Variants in NAV2 observed in about 807,000 individuals in gnomAD.
NAV2 encodes the protein neuron navigator 2.
In NAV2, 54 loss-of-function variants were observed where a neutral mutation model predicts 223.2. The ratio of observed to expected loss-of-function variants is 0.24; its 90% CI spans 0.19 to 0.30. The LOEUF (loss-of-function observed/expected upper bound fraction) is 0.30, where lower values mean the gene tolerates loss of function less well. Ranked by LOEUF, NAV2 falls within the 10% of genes least tolerant of loss-of-function variation. The pLI is 1.00. For missense variants in NAV2, 2,806 were observed against 3,147.5 expected (o/e 0.89, Z 2.60); for synonymous variants, 1,279 against 1,239.3 (o/e 1.03, Z -0.67).
At chr11:19,468,746 C>T (rs943052387) in intron 1 of NAV2, among the ~76,000 whole-genome samples, 3 of 152,140 alleles carry the variant, frequency 2.0e-5, no homozygotes, top group African/African-American at 7.2e-5. Flanking sequence ...TGTAGTAAAT[C>T]TCAAAATTTG....
chr11:19,638,173 G>T (rs1228280146), intron 1 of NAV2, among the ~76,000 whole-genome samples: 1 of 152,020 alleles, frequency 6.6e-6, no homozygotes, highest in African/African-American at 2.4e-5. Flanking sequence ...TACTTCCTGG[G>T]CCCACACGAT....
At chr11:19,667,245 T>C (rs1017641211) in intron 1 of NAV2, among the ~76,000 whole-genome samples, 1 of 152,246 alleles carries the variant, frequency 6.6e-6, no homozygotes, top group African/African-American at 2.4e-5. Flanking sequence ...TGAACAATTA[T>C]TCACTGGTGC....
intron 1 of NAV2, among the ~76,000 whole-genome samples, chr11:19,806,872 A>G (rs976704074): frequency 8.5e-5 from 13 of 152,216 alleles, no homozygotes; most frequent in Non-Finnish European, 1.8e-4. Flanking sequence ...AATTATCTAT[A>G]TATCTCTATG....
intron 1 of NAV2, among the ~76,000 whole-genome samples, chr11:19,689,327 C>T (rs533929223): frequency 1.3e-5 from 2 of 152,272 alleles, no homozygotes; most frequent in South Asian, 2.1e-4. Flanking sequence ...CCAAGGGATA[C>T]GTGCAAAGAC....
At chr11:19,939,817 C>T (rs756317220) in intron 8 of NAV2, 44 bp downstream of exon 8, 2 of 1,429,372 alleles carry the variant, frequency 1.4e-6, no homozygotes, top group Non-Finnish European at 2.0e-6. Flanking sequence ...GGTGATGAGG[C>T]CTTCCACGCA....
chr11:19,536,802 AATG>A (rs548247764), intron 1 of NAV2, among the ~76,000 whole-genome samples: 23 of 152,288 alleles, frequency 1.5e-4, no homozygotes, highest in Admixed American at 1.0e-3. Flanking sequence ...ACCTTCAGGA[AATG>A]ATAATGGGGG....
intron 1 of NAV2, among the ~76,000 whole-genome samples, chr11:19,509,350 G>C (rs913603942): frequency 1.3e-5 from 2 of 152,178 alleles, no homozygotes; most frequent in African/African-American, 4.8e-5. Context: ...TACGTCATTA[G>C]CATGAGTGCT....
intron 4 of NAV2, among the ~76,000 whole-genome samples, chr11:19,879,585 C>A (rs918208037): frequency 9.2e-5 from 14 of 152,194 alleles, no homozygotes; most frequent in African/African-American, 2.4e-5. Flanking sequence ...CACGGTCTTG[C>A]TCGAGACGCT....
At chr11:19,364,684 C>G (rs561072470) in intron 1 of NAV2, among the ~76,000 whole-genome samples, 1 of 152,202 alleles carries the variant, frequency 6.6e-6, no homozygotes, top group Non-Finnish European at 1.5e-5. Flanking sequence ...AAGAGGGATA[C>G]AGTGACCTGG....
At position 19,912,152 on chromosome 11, in the gene NAV2, A is replaced by G. The variant is rs982828475; in HGVS notation, c.931+19558A>G. On this transcript the variant is annotated intron_variant, in intron 6 of 37. Transcript: ENST00000349880. ...TAGTTCTTCAACTTTATCTCATTAA[A>G]TAAAGTTTAGTGAACTGCCAAAGAC... 9.8e-5 allele frequency among the ~76,000 whole-genome samples: 15 copies of G among 152,354 alleles called. No individual in the cohort carries two copies. In the East Asian group the frequency reaches 2.9e-3, roughly 29 times the overall value.
At chr11:19,706,615 C>T (rs1314858767) in intron 1 of NAV2, among the ~76,000 whole-genome samples, 2 of 152,226 alleles carry the variant, frequency 1.3e-5, no homozygotes, top group Admixed American at 1.3e-4. Context: ...GAAACAGCAG[C>T]TACATCCTTC....
At chr11:19,442,806 TTC>T (rs1444656286) in intron 1 of NAV2, among the ~76,000 whole-genome samples, 1 of 152,202 alleles carries the variant, frequency 6.6e-6, no homozygotes, top group African/African-American at 2.4e-5. Context: ...AAAAGTATCA[TTC>T]TCTCTCTTCC....
At chr11:19,734,604 T>A (rs1016184538) in intron 1 of NAV2, among the ~76,000 whole-genome samples, 2 of 152,206 alleles carry the variant, frequency 1.3e-5, no homozygotes, top group African/African-American at 4.8e-5. Flanking sequence ...AGGTCATACA[T>A]TGGCATTTTA....
intron 1 of NAV2, among the ~76,000 whole-genome samples, chr11:19,633,609 C>T (rs1173566048): frequency 1.3e-5 from 2 of 152,236 alleles, no homozygotes; most frequent in Non-Finnish European, 2.9e-5. Context: ...GGAGCTCGGG[C>T]CCAGGGAAAA....
chr11:20,005,345 A>G (rs2052963915), intron 11 of NAV2, among the ~76,000 whole-genome samples: 1 of 150,986 alleles, frequency 6.6e-6, no homozygotes, highest in Admixed American at 6.6e-5. Context: ...TCCCGGGTTC[A>G]AGCAATTCTC....
intron 1 of NAV2, among the ~76,000 whole-genome samples, chr11:19,623,348 C>T (rs2047065662): frequency 2.0e-5 from 3 of 152,136 alleles, no homozygotes; most frequent in African/African-American, 4.8e-5. Flanking sequence ...TGGATAATAT[C>T]CTGCAGAGTG....
At chr11:19,973,989 C>G (rs1202453190) in intron 10 of NAV2, among the ~76,000 whole-genome samples, 1 of 152,194 alleles carries the variant, frequency 6.6e-6, no homozygotes, top group Non-Finnish European at 1.5e-5. Context: ...GTAGTAACAA[C>G]TTTTATCAAG....
chr11:19,349,531 G>A (rs2702622), upstream of NAV2, among the ~76,000 whole-genome samples: 46,286 of 152,036 alleles, frequency 0.3, 7,318 homozygotes, highest in East Asian at 0.57. Context: ...GGATCTGGCC[G>A]CAGCTCTCCC....
rs529047009 is a variant in NAV2, at chr11:19,450,487, T to G, written c.75+99460T>G. ...GGTGCTAAGCCCTGAAGTCATTTGT[T>G]ACATCCTGTAGCATGAATGGCAAAA... On this transcript the variant is annotated intron_variant, in intron 1 of 37. Transcript: ENST00000360655. Among the ~76,000 whole-genome samples the G allele has an allele frequency of 8.5e-5, 13 of 152,344 alleles. No individual in the cohort carries two copies. In the South Asian group the frequency reaches 2.7e-3, roughly 32 times the overall value.
Sources: allele counts gnomAD v4.1 joint callset (sites outside exome capture counted in the v4.1 genomes callset), GRCh38; gene constraint gnomAD v4.1.1; transcripts MANE v1.5; gene names NCBI Gene and HGNC (gene_info 2026-07-23, HGNC 2026-07-21).